The following ADARB2 variants were observed in gnomAD, a reference collection of about 807,000 sequenced individuals.
The protein encoded by ADARB2 is inactive double-stranded RNA-specific editase B2.
A neutral mutation model predicts 62.2 loss-of-function variants in ADARB2; 25 were observed. The ratio of observed to expected loss-of-function variants is 0.40; its 90% CI spans 0.29 to 0.56. The LOEUF (loss-of-function observed/expected upper bound fraction) is 0.56. Among genes scored for constraint, ADARB2 ranks in the 20% least tolerant of loss-of-function variants. The probability of loss-of-function intolerance (pLI) is 0.43; values close to 1 mark genes in which losing one functional copy is unlikely to be tolerated. For missense variants in ADARB2, 1,071 were observed against 1,077.4 expected (o/e 0.99, Z 0.08); for synonymous variants, 572 against 500.8 (o/e 1.14, Z -1.90).
chr10:1,339,791 C>T (rs567998834), intron 3 of ADARB2, among the ~76,000 whole-genome samples: 2 of 152,194 alleles, frequency 1.3e-5, no homozygotes, highest in African/African-American at 2.4e-5. Flanking sequence ...CCAGCCCACC[C>T]GTGACCAAGT....
chr10:1,510,964 C>G (rs890572761), intron 1 of ADARB2, among the ~76,000 whole-genome samples: 2 of 152,190 alleles, frequency 1.3e-5, no homozygotes, highest in Non-Finnish European at 2.9e-5. Context: ...GTGATCCTAC[C>G]ACCTCAGCCT....
At chr10:1,527,043 G>A in intron 1 of ADARB2, 1 of 233,392 alleles carries the variant, frequency 4.3e-6, no homozygotes, top group South Asian at 4.6e-5. Context: ...CGCATTTGGG[G>A]ATGATATTAA....
intron 7 of ADARB2, among the ~76,000 whole-genome samples, chr10:1,207,048 G>C (rs1308973020): frequency 6.6e-6 from 1 of 152,192 alleles, no homozygotes; most frequent in Non-Finnish European, 1.5e-5. Flanking sequence ...CCTCACTAGA[G>C]GTGTTATGTC....
chr10:1,605,928 T>C (rs1002543619), intron 1 of ADARB2, among the ~76,000 whole-genome samples: 9 of 152,242 alleles, frequency 5.9e-5, no homozygotes, highest in African/African-American at 1.9e-4. Flanking sequence ...AAAATGTCCA[T>C]AGAACAATCA....
chr10:1,262,296 A>AATAATAATC (rs1554749750), intron 4 of ADARB2, among the ~76,000 whole-genome samples: 2 of 133,106 alleles, frequency 1.5e-5, no homozygotes, highest in African/African-American at 6.9e-5. Context: ...GTATAATAAT[A>AATAATAATC]ATAATAATAA....
At position 1,576,334 on chromosome 10, in the gene ADARB2, C is replaced by T. The variant is rs368071183; in HGVS notation, c.100+160717G>A. Among the ~76,000 whole-genome samples, 13 of 145,540 alleles carry T rather than the reference C, an allele frequency of 8.9e-5. 1 individual carries two copies. In the East Asian group the frequency reaches 1.2e-3, roughly 14 times the overall value. ...GGTCACAGGATGGGTCTCAGGGTCA[C>T]AGGATGGGTCTCAGGGTCACAGGAA... On this transcript the variant is annotated intron_variant, in intron 1 of 9. Transcript: ENST00000381312.
intron 7 of ADARB2, 168 bp from the exon 8 acceptor site, chr10:1,200,315 T>C: frequency 1.2e-6 from 1 of 827,724 alleles, no homozygotes; most frequent in Non-Finnish European, 2.0e-6. Context: ...TCACTGGGGC[T>C]CTGGGGACAC....
At chr10:1,727,162 T>C (rs1835177401) in intron 1 of ADARB2, among the ~76,000 whole-genome samples, 1 of 152,158 alleles carries the variant, frequency 6.6e-6, no homozygotes, top group African/African-American at 2.4e-5. Flanking sequence ...ACAACAAGCA[T>C]GTATTCGTGG....
At chr10:1,199,165 C>A (rs1000756618) in intron 8 of ADARB2, among the ~76,000 whole-genome samples, 5 of 152,184 alleles carry the variant, frequency 3.3e-5, no homozygotes, top group Admixed American at 6.5e-5. Context: ...GACTCAAAGA[C>A]CTGGTGTTCT....
intron 1 of ADARB2, among the ~76,000 whole-genome samples, chr10:1,589,328 G>GTCGGGGCATCCACGA (rs1489226081): frequency 1.3e-5 from 2 of 152,198 alleles, no homozygotes; most frequent in Non-Finnish European, 2.9e-5. Flanking sequence ...GGCATCCATG[G>GTCGGGGCATCCACGA]TCGGGGCATC....
chr10:1,369,143 T>C (rs1564271526), intron 2 of ADARB2, among the ~76,000 whole-genome samples: 1 of 152,214 alleles, frequency 6.6e-6, no homozygotes, highest in Non-Finnish European at 1.5e-5. Context: ...TTAAATGTGT[T>C]AGACTCCCCT....
intron 1 of ADARB2, among the ~76,000 whole-genome samples, chr10:1,515,143 A>G (rs756583053): frequency 1.2e-4 from 19 of 152,272 alleles, no homozygotes; most frequent in Non-Finnish European, 1.5e-4. Context: ...TAACAAAAAA[A>G]GAACAAAATT....
At chr10:1,341,217 A>C (rs1355554244) in intron 3 of ADARB2, among the ~76,000 whole-genome samples, 1 of 151,462 alleles carries the variant, frequency 6.6e-6, no homozygotes, top group Non-Finnish European at 1.5e-5. Flanking sequence ...CCAGAGAACC[A>C]CGTGCCCCAC....
chr10:1,298,130 G>A (rs907776535), intron 3 of ADARB2, among the ~76,000 whole-genome samples: 1 of 152,160 alleles, frequency 6.6e-6, no homozygotes, highest in Non-Finnish European at 1.5e-5. Flanking sequence ...CACACACATT[G>A]TCTCCATTGT....
chr10:1,696,739 G>A (rs1588356258), intron 1 of ADARB2, among the ~76,000 whole-genome samples: 1 of 151,984 alleles, frequency 6.6e-6, no homozygotes, highest in East Asian at 1.9e-4. Flanking sequence ...ATTCTGCTCA[G>A]GACCTGGGAC....
intron 1 of ADARB2, among the ~76,000 whole-genome samples, chr10:1,414,291 G>A (rs1806691): frequency 0.36 from 54,567 of 152,166 alleles, 10,188 homozygotes; most frequent in Middle Eastern, 0.5. Context: ...ATGTAAAAGA[G>A]TCTTAGAACA....
At chr10:1,260,297 G>T (rs1831123682) in intron 4 of ADARB2, among the ~76,000 whole-genome samples, 1 of 152,140 alleles carries the variant, frequency 6.6e-6, no homozygotes, top group African/African-American at 2.4e-5. Flanking sequence ...GGAAGTTTTG[G>T]CCAGGGCAAT....
chr10:1,223,882 C>A (rs184955117), intron 6 of ADARB2, among the ~76,000 whole-genome samples: 1 of 152,128 alleles, frequency 6.6e-6, no homozygotes, highest in Non-Finnish European at 1.5e-5. Context: ...GTCTAAAATT[C>A]TCTTTTTTGG....
chr10:1,199,917 G>C, intron 8 of ADARB2, 49 bp downstream of exon 8: 1 of 1,462,656 alleles, frequency 6.8e-7, no homozygotes, highest in Non-Finnish European at 9.0e-7. Flanking sequence ...CCTGTGTCTG[G>C]CCTGGTGGTG....
Sources: allele counts gnomAD v4.1 joint callset (sites outside exome capture counted in the v4.1 genomes callset), GRCh38; gene constraint gnomAD v4.1.1; transcripts MANE v1.5; gene names NCBI Gene and HGNC (gene_info 2026-07-23, HGNC 2026-07-21).